Variants in GPC3 observed in about 807,000 individuals in gnomAD.
The protein encoded by GPC3 is glypican-3.
In GPC3, 3 loss-of-function variants were observed where a neutral mutation model predicts 34.4. The observed-to-expected ratio is 0.09, with a 90% confidence interval of 0.04 to 0.23. The LOEUF is 0.23. Among genes scored for constraint, GPC3 ranks in the 10% least tolerant of loss-of-function variants. The pLI is 1.00. For missense variants in GPC3, 351 were observed against 445.6 expected (o/e 0.79, Z 1.91); for synonymous variants, 177 against 174.0 (o/e 1.02, Z -0.13).
chrX:133,856,268 T>C (rs2075900865), intron 2 of GPC3, among the ~76,000 whole-genome samples: 1 of 111,555 alleles, frequency 9.0e-6, no homozygotes, highest in South Asian at 3.8e-4. Context: ...CTCTATACCC[T>C]TGTCAACACT....
intron 3 of GPC3, among the ~76,000 whole-genome samples, chrX:133,730,853 G>A (rs999706488): frequency 8.9e-6 from 1 of 111,802 alleles, no homozygotes; most frequent in Non-Finnish European, 1.9e-5. Context: ...CAGAAGCCAT[G>A]TTTTAGTTCT....
intron 7 of GPC3, among the ~76,000 whole-genome samples, chrX:133,591,025 G>A (rs766841523): frequency 5.4e-5 from 6 of 111,946 alleles, no homozygotes; most frequent in Non-Finnish European, 9.4e-5. Context: ...AGCAAAGCCA[G>A]GAACAGAACC....
chrX:133,879,307 C>T (rs751804305), intron 2 of GPC3, among the ~76,000 whole-genome samples: 2 of 110,861 alleles, frequency 1.8e-5, no homozygotes, highest in South Asian at 7.8e-4. Context: ...TCCAGGTTTC[C>T]ACAGAGCGCA....
chrX:133,676,766 C>T (rs1390938976), intron 5 of GPC3, among the ~76,000 whole-genome samples: 1 of 112,083 alleles, frequency 8.9e-6, no homozygotes, highest in Non-Finnish European at 1.9e-5. Context: ...TAAACTGCTG[C>T]ATAAATACTT....
In GPC3 at chrX:133,770,286, C is replaced by T. The variant is rs779851237; in HGVS notation, c.338-16110G>A. 9.9e-5 allele frequency among the ~76,000 whole-genome samples: 11 copies of T among 111,244 alleles called. No homozygotes were observed. In the South Asian group the frequency reaches 3.5e-3, roughly 35 times the overall value. On this transcript the variant is annotated intron_variant, in intron 2 of 7. Transcript: ENST00000370818. ...GGAAGACCCTGTCAAAAAAAAAAAT[C>T]GCATGTGAGGTTCATGATTAAGGAC...
chrX:133,788,796 CT>C (rs1309411793), intron 2 of GPC3, among the ~76,000 whole-genome samples: 3 of 99,877 alleles, frequency 3.0e-5, no homozygotes, highest in Non-Finnish European at 6.0e-5. Context: ...TCTTCCTTTT[CT>C]TCAGAATATT....
chrX:133,791,575 A>G (rs1234001938), intron 2 of GPC3, among the ~76,000 whole-genome samples: 1 of 111,132 alleles, frequency 9.0e-6, no homozygotes, highest in African/African-American at 3.3e-5. Context: ...TTGGCTTTGG[A>G]ATCAGGGAGT....
At chrX:133,839,446 T>C (rs1241450649) in intron 2 of GPC3, among the ~76,000 whole-genome samples, 1 of 111,607 alleles carries the variant, frequency 9.0e-6, no homozygotes, top group Non-Finnish European at 1.9e-5. Context: ...CCATGCTGTA[T>C]ACCTTAAATA....
At chrX:133,800,520 C>T (rs184958772) in intron 2 of GPC3, among the ~76,000 whole-genome samples, 73 of 111,918 alleles carry the variant, frequency 6.5e-4, no homozygotes, top group African/African-American at 1.9e-3. Context: ...TGTCAGGAGA[C>T]GGGTAGTAAC....
intron 7 of GPC3, among the ~76,000 whole-genome samples, chrX:133,540,419 G>A (rs1003696069): frequency 8.9e-6 from 1 of 112,495 alleles, no homozygotes; most frequent in Non-Finnish European, 1.9e-5. Flanking sequence ...GGATGGAGCC[G>A]GAGGCCATTA....
chrX:133,771,396 C>T (rs891014133), intron 2 of GPC3, among the ~76,000 whole-genome samples: 41 of 112,435 alleles, frequency 3.6e-4, no homozygotes, highest in African/African-American at 1.2e-3. Context: ...TGTTGCTTAG[C>T]GCTTTCCTTA....
intron 6 of GPC3, among the ~76,000 whole-genome samples, chrX:133,632,872 C>CTG (rs1359582500): frequency 9.0e-6 from 1 of 111,091 alleles, no homozygotes; most frequent in African/African-American, 3.3e-5. Context: ...GTATATGTCT[C>CTG]TGTGTGTGTG....
At chrX:133,907,660 TTATA>T (rs1222921495) in intron 2 of GPC3, among the ~76,000 whole-genome samples, 1 of 111,476 alleles carries the variant, frequency 9.0e-6, no homozygotes, top group Non-Finnish European at 1.9e-5. Context: ...ATATCATAGT[TTATA>T]TAACCATTCA....
chrX:133,686,768 A>AACACAC lies in GPC3; in HGVS notation c.1292+5595_1292+5600dup, dbSNP rs762283767. ...AATTTTGTCATGCAAATTTTACCTCAACACACACACACACACACACACACA... is the reference window on the plus strand; with the variant it reads ...AATTTTGTCATGCAAATTTTACCTCAACACACACACACACACACACACACACACACA... On this transcript the variant is annotated intron_variant, in intron 5 of 7. Transcript: ENST00000370818. Among the ~76,000 whole-genome samples, 88 of 98,038 alleles carry AACACAC rather than the reference A, an allele frequency of 9.0e-4. 1 individual carries two copies. The highest frequency in any genetic ancestry group is 5.2e-3 in the Middle Eastern group (1 of 191). 85.1% of individuals were successfully genotyped at this position (98,038 alleles called of 115,157 possible).
chrX:133,957,489 CAG>C (rs1225335013), intron 1 of GPC3, among the ~76,000 whole-genome samples: 9 of 111,583 alleles, frequency 8.1e-5, no homozygotes, highest in Middle Eastern at 4.6e-3. Flanking sequence ...ATAAATAAAA[CAG>C]AAAGAACACA....
At chrX:133,856,408 T>TAA (rs757138553) in intron 2 of GPC3, among the ~76,000 whole-genome samples, 12 of 108,695 alleles carry the variant, frequency 1.1e-4, no homozygotes, top group African/African-American at 4.0e-4. Context: ...GACCAAAATT[T>TAA]AAAAAAAAAT....
intron 7 of GPC3, among the ~76,000 whole-genome samples, chrX:133,557,120 C>A (rs911601374): frequency 9.3e-6 from 1 of 107,426 alleles, no homozygotes; most frequent in African/African-American, 3.4e-5. Context: ...AGTGAAACCC[C>A]GTCTCTACTA....
At chrX:133,815,078 A>G (rs929458468) in intron 2 of GPC3, among the ~76,000 whole-genome samples, 6 of 110,543 alleles carry the variant, frequency 5.4e-5, no homozygotes, top group Non-Finnish European at 9.5e-5. Context: ...TCCAATGGGG[A>G]AAAAAAGTGT....
intron 7 of GPC3, among the ~76,000 whole-genome samples, chrX:133,573,191 T>C (rs1391412686): frequency 9.0e-6 from 1 of 111,577 alleles, no homozygotes; most frequent in Admixed American, 9.5e-5. Context: ...AGAAAAAGCA[T>C]TTGACAAAAT....
Sources: gnomAD v4.1 joint callset for allele counts (sites outside exome capture counted in the v4.1 genomes callset) on GRCh38, gnomAD v4.1.1 for gene constraint, MANE v1.5 for transcripts, NCBI Gene and HGNC (gene_info 2026-07-23, HGNC 2026-07-21) for gene names.